Variants in GLMN observed in about 807,000 individuals in gnomAD.
GLMN encodes the protein glomulin.
In GLMN, 75 loss-of-function variants were observed where a neutral mutation model predicts 87.8. That is an observed-to-expected ratio of 0.85 (90% CI 0.71 to 1.04). The LOEUF is 1.04. Among genes scored for constraint, GLMN ranks in the 50% least tolerant of loss-of-function variants. GLMN has a pLI of 0.00. For missense variants in GLMN, 588 were observed against 658.8 expected, an observed-to-expected ratio of 0.89 and a Z score of 1.18; for synonymous variants, 206 against 221.6, an observed-to-expected ratio of 0.93 and a Z score of 0.63.
Position 92,271,677 on chromosome 1 carries a change from C to T in GLMN, c.736-25G>A, listed in dbSNP as rs201090384. On this transcript the variant is annotated intron_variant, in intron 7 of 18. Coordinates refer to ENST00000370360, the MANE Select transcript of GLMN (RefSeq NM_053274.3). ...CCTATGAAATGGATAAAAAAGGAAA[C>T]CATAGCACACAGACTCTAAAATGCC... 4 of 1,513,904 alleles carry T rather than the reference C, an allele frequency of 2.6e-6. No homozygotes were observed. In the East Asian group the frequency reaches 6.8e-5, roughly 26 times the overall value. The allele number at this position is 1,513,904 out of a possible 1,614,324, so 93.8% of individuals were successfully genotyped here.
At chr1:92,298,497 TGGG>T (rs1377998183) in intron 1 of GLMN, among the ~76,000 whole-genome samples, 1 of 152,148 alleles carries the variant, frequency 6.6e-6, no homozygotes, top group Non-Finnish European at 1.5e-5. Context: ...TCACAAAAAT[TGGG>T]GTGCAACACA....
At chr1:92,299,086 G>T (rs1258954439), upstream of GLMN, 6 of 1,515,074 alleles carry the variant, frequency 4.0e-6, no homozygotes, top group South Asian at 3.8e-5. Flanking sequence ...GGCGGACTTC[G>T]CTGGGCCGTC....
At chr1:92,265,793 T>A (rs1463957639) in intron 13 of GLMN, among the ~76,000 whole-genome samples, 1 of 152,166 alleles carries the variant, frequency 6.6e-6, no homozygotes, top group East Asian at 1.9e-4. Context: ...TAAGACATTT[T>A]AGCAAATCCA....
In GLMN at chr1:92,247,977, TC is replaced by T; in HGVS notation, c.1485del (p.Trp495Ter). ...TTATTCTCAATATTTCCAAGTTCTGTCCATAATCCAGTCTGTTAAGAATGAA... is the reference window on the plus strand; with the variant it reads ...TTATTCTCAATATTTCCAAGTTCTGTCATAATCCAGTCTGTTAAGAATGAA... ...DNENDNQTGL[W>X]TELGNIENNF... On this transcript the variant is annotated frameshift_variant, in exon 17 of 19. Coordinates refer to ENST00000370360, the MANE Select transcript of GLMN (RefSeq NM_053274.3). LOFTEE classifies it high-confidence loss of function. 8.1e-7 allele frequency: 1 copy of T among 1,233,224 alleles called. No homozygotes were observed. The highest frequency in any genetic ancestry group is 1.2e-6 in the Non-Finnish European group (1 of 834,302). The allele number at this position is 1,233,224 out of a possible 1,614,324, so 76.4% of individuals were successfully genotyped here. A position where few individuals can be genotyped will look rare whatever the true frequency, so the allele number is the denominator to read the frequency against.
chr1:92,323,724 A>T, the GLMN span: 1 of 1,614,202 alleles, frequency 6.2e-7, no homozygotes, highest in Non-Finnish European at 8.5e-7. Context: ...AGACAGTAGT[A>T]GATGTCACTG....
At chr1:92,328,229 G>T in the GLMN span, among the ~76,000 whole-genome samples, 1 of 152,144 alleles carries the variant, frequency 6.6e-6, no homozygotes, top group Non-Finnish European at 1.5e-5. Flanking sequence ...AGTTTTCCTT[G>T]ATTATTCCCT....
chr1:92,332,196 T>G, the GLMN span, among the ~76,000 whole-genome samples: 1 of 152,028 alleles, frequency 6.6e-6, no homozygotes, highest in African/African-American at 2.4e-5. Context: ...CTGTGCTTCA[T>G]TCTGGATATT....
At chr1:92,320,728 T>C in the GLMN span, 1 of 899,802 alleles carries the variant, frequency 1.1e-6, no homozygotes, top group South Asian at 1.7e-5. Context: ...GGACTTCCTG[T>C]GCTGATGCAT....
the GLMN span, chr1:92,320,550 A>G: frequency 5.6e-4 from 868 of 1,561,068 alleles, 6 homozygotes; most frequent in Middle Eastern, 1.7e-4. Context: ...GGTTACAGGC[A>G]TGAGCCACCG....
Position 92,247,095 on chromosome 1 carries a change from C to G in GLMN, c.1635G>C (p.Glu545Asp), listed in dbSNP as rs376960198. Residue 545 changes from glutamate to aspartate, a missense_variant, in exon 18 of 19, where the codon GAG becomes GAC. Glu to Asp is a conservative substitution (Grantham distance 45, BLOSUM62 2). Transcript: ENST00000370360. The part of the protein sequence containing the change: ...DLCSITVSGE[E>D]IPNMPPEMQL... ...GCATTTCAGGAGGCATATTAGGGAT[C>G]TCTTCTCCACTTACAGTTATAGAAC... 2 of 1,578,110 alleles carry G rather than the reference C, an allele frequency of 1.3e-6. No individual in the cohort carries two copies. The highest frequency in any genetic ancestry group is 1.7e-5 in the Admixed American group (1 of 59,966).
the GLMN span, chr1:92,307,249 C>T: frequency 3.7e-6 from 6 of 1,612,108 alleles, no homozygotes; most frequent in Admixed American, 1.0e-4. Context: ...ATTCCCAAAA[C>T]TCCAGTATGG....
chr1:92,321,445 G>A, the GLMN span, among the ~76,000 whole-genome samples: 1 of 151,702 alleles, frequency 6.6e-6, no homozygotes, highest in African/African-American at 2.4e-5. Flanking sequence ...TCCCATCCAT[G>A]ACCTTGCTTT....
At chr1:92,323,339 G>T in the GLMN span, 1 of 690,374 alleles carries the variant, frequency 1.4e-6, no homozygotes, top group Non-Finnish European at 2.2e-6. Flanking sequence ...TTTCTACCTT[G>T]AAAGTTACAA....
At chr1:92,251,297 CCAAAAA>C (rs1653455759) in intron 16 of GLMN, among the ~76,000 whole-genome samples, 3 of 151,932 alleles carry the variant, frequency 2.0e-5, no homozygotes, top group African/African-American at 7.2e-5. Context: ...GGAATAGAGT[CCAAAAA>C]TAGACCCATA....
At chr1:92,351,550 T>C in the GLMN span, among the ~76,000 whole-genome samples, 3,409 of 152,242 alleles carry the variant, frequency 0.022, 157 homozygotes, top group African/African-American at 0.077. Context: ...ATCGCTCAGC[T>C]TCTGTCCCAT....
intron 7 of GLMN, among the ~76,000 whole-genome samples, chr1:92,280,193 G>A (rs1023067591): frequency 5.3e-5 from 8 of 152,216 alleles, no homozygotes; most frequent in African/African-American, 1.9e-4. Flanking sequence ...GCGTGATTGG[G>A]AAACACCTGC....
chr1:92,300,973 C>T (rs1229220727), upstream of GLMN, among the ~76,000 whole-genome samples: 2 of 152,122 alleles, frequency 1.3e-5, no homozygotes, highest in East Asian at 3.8e-4. Flanking sequence ...AAGGAAAAGA[C>T]TGTGATGTTA....
chr1:92,308,174 C>G, the GLMN span, among the ~76,000 whole-genome samples: 1 of 152,104 alleles, frequency 6.6e-6, no homozygotes, highest in South Asian at 2.1e-4. Context: ...GACAACAGCA[C>G]CTGTGATGGC....
chr1:92,280,770 T>C (rs2100986292), intron 7 of GLMN, among the ~76,000 whole-genome samples: 1 of 152,244 alleles, frequency 6.6e-6, no homozygotes, highest in East Asian at 1.9e-4. Flanking sequence ...GAGAAGCACT[T>C]AAATGACCTG....
Sources: gnomAD v4.1 joint callset for allele counts (sites outside exome capture counted in the v4.1 genomes callset) on GRCh38, gnomAD v4.1.1 for gene constraint, MANE v1.5 for transcripts, NCBI Gene and HGNC (gene_info 2026-07-23, HGNC 2026-07-21) for gene names.